The following PIGL variants were observed in gnomAD, a reference collection of about 807,000 sequenced individuals.
PIGL encodes the protein phosphatidylinositol glycan anchor biosynthesis class L, also known as N-acetylglucosaminyl-phosphatidylinositol de-N-acetylase.
A neutral mutation model predicts 31.1 loss-of-function variants in PIGL; 22 were observed. The ratio of observed to expected loss-of-function variants is 0.71; its 90% CI spans 0.51 to 1.01. The LOEUF is 1.01. Ranked by LOEUF, PIGL falls within the 50% of genes least tolerant of loss-of-function variation. PIGL has a pLI of 0.00. For synonymous variants in PIGL, 131 were observed against 117.4 expected (o/e 1.12, Z -0.75); for missense variants, 302 against 315.9 (o/e 0.96, Z 0.33).
intron 1 of PIGL, among the ~76,000 whole-genome samples, chr17:16,228,215 C>T (rs2092661604): frequency 6.6e-6 from 1 of 151,504 alleles, no homozygotes; most frequent in African/African-American, 2.4e-5. Flanking sequence ...CCACCATGCC[C>T]GGCTAATTTT....
At chr17:16,288,084 T>G (rs1446518580) in intron 2 of PIGL, among the ~76,000 whole-genome samples, 1 of 152,254 alleles carries the variant, frequency 6.6e-6, no homozygotes, top group Non-Finnish European at 1.5e-5. Context: ...AACACAGACA[T>G]CTTGCTTTAA....
intron 3 of PIGL, among the ~76,000 whole-genome samples, chr17:16,311,631 G>T (rs1182143716): frequency 3.4e-5 from 5 of 147,638 alleles, no homozygotes; most frequent in Non-Finnish European, 3.0e-5. Context: ...TGTGTCCCTG[G>T]GTACTTGAGA....
chr17:16,281,454 G>A (rs1450476751), intron 2 of PIGL, among the ~76,000 whole-genome samples: 2 of 152,184 alleles, frequency 1.3e-5, no homozygotes, highest in African/African-American at 4.8e-5. Context: ...AATGTGTCTA[G>A]GCATTTGCTC....
intron 2 of PIGL, chr17:16,282,016 G>C (rs1360192253): frequency 1.9e-6 from 1 of 517,364 alleles, no homozygotes; most frequent in South Asian, 1.4e-5. Context: ...ACTGCTAAGA[G>C]GGTGTTGATC....
At chr17:16,317,735 C>T (rs895203979) in intron 5 of PIGL, 40 bp from the exon 6 acceptor site, 1 of 1,612,144 alleles carries the variant, frequency 6.2e-7, no homozygotes, top group Non-Finnish European at 8.5e-7. Context: ...GGCTGGAGGC[C>T]TCAAGGCTTA....
intron 2 of PIGL, among the ~76,000 whole-genome samples, chr17:16,271,504 T>A (rs1271404213): frequency 6.6e-6 from 1 of 152,272 alleles, no homozygotes; most frequent in East Asian, 1.9e-4. Flanking sequence ...AATTTTTTAA[T>A]GTTAAGTGTG....
intron 2 of PIGL, among the ~76,000 whole-genome samples, chr17:16,267,559 C>G (rs1371211767): frequency 4.0e-5 from 6 of 151,886 alleles, no homozygotes; most frequent in Non-Finnish European, 8.8e-5. Flanking sequence ...CTGAATTTAG[C>G]CAGACATAGT....
intron 1 of PIGL, among the ~76,000 whole-genome samples, chr17:16,229,087 A>G (rs556311468): frequency 6.6e-6 from 1 of 152,052 alleles, no homozygotes; most frequent in East Asian, 1.9e-4. Flanking sequence ...TCTGGACAAC[A>G]TAGTGAGATT....
intron 2 of PIGL, among the ~76,000 whole-genome samples, chr17:16,264,366 G>A (rs909086913): frequency 2.0e-5 from 3 of 151,666 alleles, no homozygotes; most frequent in East Asian, 1.9e-4. Context: ...GGCTGGTCTC[G>A]AACTCCTGAC....
chr17:16,269,512 G>T (rs1401311516), intron 2 of PIGL, among the ~76,000 whole-genome samples: 3 of 152,112 alleles, frequency 2.0e-5, no homozygotes, highest in African/African-American at 7.2e-5. Context: ...TTAGCTGGGT[G>T]TGTTGGCATG....
intron 6 of PIGL, 27 bp from the exon 7 acceptor site, chr17:16,325,773 A>G (rs1295447248): frequency 6.4e-7 from 1 of 1,572,708 alleles, no homozygotes; most frequent in Non-Finnish European, 8.8e-7. Context: ...CAACTGTTTC[A>G]TAACTGGTTC....
chr17:16,315,887 G>A (rs112783384), intron 4 of PIGL, among the ~76,000 whole-genome samples: 312 of 151,428 alleles, frequency 2.1e-3, no homozygotes, highest in Middle Eastern at 3.4e-3. Flanking sequence ...TATTAGAGAC[G>A]GAGTTTCACC....
chr17:16,252,526 T>C (rs2092777091), intron 2 of PIGL, among the ~76,000 whole-genome samples: 1 of 151,138 alleles, frequency 6.6e-6, no homozygotes, highest in African/African-American at 2.4e-5. Flanking sequence ...TGAATCTGTG[T>C]AGGTTTTTTT....
At chr17:16,317,604 G>A in intron 5 of PIGL, 171 bp from the exon 6 acceptor site, 1 of 1,423,470 alleles carries the variant, frequency 7.0e-7, no homozygotes, top group Non-Finnish European at 9.2e-7. Context: ...ACTCGTTCTA[G>A]CTGCAAGAAT....
chr17:16,217,599 TCA>T, intron 1 of PIGL, 138 bp downstream of exon 1: 1 of 691,676 alleles, frequency 1.4e-6, no homozygotes, highest in Non-Finnish European at 2.4e-6. Flanking sequence ...TCTGAACCCC[TCA>T]CAGCCTAGGG....
rs77694818 is a variant in PIGL at position 16,225,670 on chromosome 17, G to A, written c.235+8209G>A. ...GTTGTTGTTGTTTTGTTTTTTGCACGTGTTTCTTAGAACCATATTTGTGGT... is the reference window on the plus strand; with the variant it reads ...GTTGTTGTTGTTTTGTTTTTTGCACATGTTTCTTAGAACCATATTTGTGGT... On this transcript the variant is annotated intron_variant, in intron 1 of 6. Transcript: ENST00000225609. Among the ~76,000 whole-genome samples the A allele has an allele frequency of 1.0e-3, 158 of 151,016 alleles. 1 individual carries two copies. Among genetic ancestry groups the A allele is most frequent in the African/African-American group, 3.4e-3 (140 of 41,146 alleles).
At chr17:16,235,018 T>C (rs921764783) in intron 2 of PIGL, among the ~76,000 whole-genome samples, 3 of 152,128 alleles carry the variant, frequency 2.0e-5, no homozygotes, top group Non-Finnish European at 2.9e-5. Context: ...TCTTCACCTA[T>C]CCCTAACTTA....
rs57845853 is a variant in PIGL, at chr17:16,278,058, CTT to C, written c.336-21816_336-21815del. On this transcript the variant is annotated intron_variant, in intron 2 of 6. Coordinates refer to ENST00000225609, the MANE Select transcript of PIGL (RefSeq NM_004278.4). ...TGCATTATTGATGTCAAACTCAATT[CTT>C]TTTTTTTTTTTTTGAGACAGAATCT... is the stretch of plus-strand genomic sequence containing the variant. 5.1e-3 allele frequency among the ~76,000 whole-genome samples: 725 copies of C among 141,114 alleles called. 1 individual carries two copies. Among genetic ancestry groups the C allele is most frequent in the South Asian group, 8.7e-3 (38 of 4,374 alleles). The allele number at this position is 141,114 out of a possible 152,430, so 92.6% of individuals were successfully genotyped here.
chr17:16,233,636 C>T (rs113453792), intron 1 of PIGL, among the ~76,000 whole-genome samples: 5 of 152,132 alleles, frequency 3.3e-5, no homozygotes, highest in African/African-American at 1.2e-4. Context: ...AGTGGTCGTA[C>T]ATGGTGTGAT....
Sources: allele counts gnomAD v4.1 joint callset (sites outside exome capture counted in the v4.1 genomes callset), GRCh38; gene constraint gnomAD v4.1.1; transcripts MANE v1.5; gene names NCBI Gene and HGNC (gene_info 2026-07-23, HGNC 2026-07-21).